The following TTBK1 variants were observed in gnomAD, a reference collection of about 807,000 sequenced individuals.
The protein encoded by TTBK1 is tau tubulin kinase 1.
In TTBK1, 34 loss-of-function variants were observed where a neutral mutation model predicts 108.5. That is an observed-to-expected ratio of 0.31 (90% CI 0.24 to 0.42). The LOEUF (loss-of-function observed/expected upper bound fraction) is 0.42, where lower values mean the gene tolerates loss of function less well. Among genes scored for constraint, TTBK1 ranks in the 10% least tolerant of loss-of-function variants. The pLI is 1.00. For synonymous variants in TTBK1, 809 were observed against 795.1 expected, an observed-to-expected ratio of 1.02 and a Z score of -0.29; for missense variants, 1,539 against 1,826.0, an observed-to-expected ratio of 0.84 and a Z score of 2.86.
At chr6:43,271,852 G>C in intron 13 of TTBK1, 9 of 984,970 alleles carry the variant, frequency 9.1e-6, no homozygotes, top group Non-Finnish European at 1.1e-5. Context: ...CCAGATTTGG[G>C]TTCTAATACT....
At chr6:43,256,021 TCACAGCCAA>T (rs1777372152) in intron 9 of TTBK1, among the ~76,000 whole-genome samples, 165 bp downstream of exon 9, 1 of 152,242 alleles carries the variant, frequency 6.6e-6, no homozygotes, top group Non-Finnish European at 1.5e-5. Flanking sequence ...TGTAAACTAG[TCACAGCCAA>T]GATTTATCAA....
Position 43,244,591 on chromosome 6 carries a change from C to G in TTBK1, c.-55+883C>G, listed in dbSNP as rs1777040159. ...CTCAGCTGAGCATAGTCCTCAGACA[C>G]AGAGAGAAGGAGGGTGGAGAGGGAG... On this transcript the variant is annotated intron_variant, in intron 1 of 14. Coordinates refer to ENST00000259750, the MANE Select transcript of TTBK1 (RefSeq NM_032538.3). Among the ~76,000 whole-genome samples, 3 of 152,212 alleles carry G rather than the reference C, an allele frequency of 2.0e-5. No individual in the cohort carries two copies. In the South Asian group the frequency reaches 6.2e-4, roughly 32 times the overall value.
intron 13 of TTBK1, among the ~76,000 whole-genome samples, chr6:43,266,566 C>T (rs1469658116): frequency 6.6e-6 from 1 of 152,124 alleles, no homozygotes; most frequent in East Asian, 1.9e-4. Flanking sequence ...ACCCAGGCAA[C>T]TCGTTCCGAG....
Position 43,259,549 on chromosome 6 carries a change from G to A in TTBK1, c.1267G>A (p.Glu423Lys), listed in dbSNP as rs1202214675. ...NIGKSPCVEE[E>K]QSRGMGVPSS... is the part of the protein sequence containing the mutation. ...CCTGCAGAGCCCCTGTGTGGAGGAGGAACAGAGCCGAGGCATGGGGGTCCC... is the reference window on the plus strand; with the variant it reads ...CCTGCAGAGCCCCTGTGTGGAGGAGAAACAGAGCCGAGGCATGGGGGTCCC... The change falls in exon 12 of 15, where the codon GAA becomes AAA. Residue 423 changes from glutamate to lysine, a missense_variant. Coordinates refer to ENST00000259750, the MANE Select transcript of TTBK1 (RefSeq NM_032538.3). The surrounding 1 kb of genome is among the most constrained non-coding windows in gnomAD (Gnocchi z 6.7). 2 of 1,593,652 alleles carry A rather than the reference G, an allele frequency of 1.3e-6. No homozygotes were observed. The highest frequency in any genetic ancestry group is 2.2e-5 in the East Asian group (1 of 44,718).
intron 13 of TTBK1, chr6:43,271,892 G>C (rs1777844604): frequency 1.1e-6 from 1 of 944,800 alleles, no homozygotes; most frequent in Middle Eastern, 5.5e-4. Context: ...CATCTCAGCT[G>C]CTCACTTTTG....
At chr6:43,264,471 G>A (rs1777626031) in intron 13 of TTBK1, among the ~76,000 whole-genome samples, 1 of 152,164 alleles carries the variant, frequency 6.6e-6, no homozygotes, top group Non-Finnish European at 1.5e-5. Flanking sequence ...CTCAGGAGAG[G>A]GATCTCGCCT....
At position 43,247,652 on chromosome 6, in the gene TTBK1, G is replaced by A. The variant is rs563295837; in HGVS notation, c.108+884G>A. Among the ~76,000 whole-genome samples, 79 of 152,190 alleles carry A rather than the reference G, an allele frequency of 5.2e-4. No individual in the cohort carries two copies. The South Asian group carries it at 6.0e-3, about 12-fold the overall frequency. On this transcript the variant is annotated intron_variant, in intron 2 of 14. Transcript: ENST00000259750. ...CTCCTGACCTCTGAGTCGTGTGTGT[G>A]TGCGTGTGTGCTTGGCGCGTGTGCG... is the stretch of plus-strand genomic sequence containing the variant.
At chr6:43,246,508 A>G in intron 1 of TTBK1, 99 bp from the exon 2 acceptor site, 2 of 570,956 alleles carry the variant, frequency 3.5e-6, no homozygotes, top group Non-Finnish European at 6.3e-6. Context: ...CAGTGGGGCC[A>G]GGAAGAATGC....
chr6:43,280,534 T>C (rs2150712187), intron 13 of TTBK1, among the ~76,000 whole-genome samples: 1 of 152,300 alleles, frequency 6.6e-6, no homozygotes, highest in South Asian at 2.1e-4. Flanking sequence ...AAGGACCATC[T>C]CTATCTTGTT....
chr6:43,252,653 C>T, intron 2 of TTBK1, 86 bp from the exon 3 acceptor site: 1 of 1,496,614 alleles, frequency 6.7e-7, no homozygotes, highest in Non-Finnish European at 9.0e-7. Context: ...CCTTCCCCAC[C>T]AATGAAGGAT....
intron 13 of TTBK1, among the ~76,000 whole-genome samples, chr6:43,264,165 T>C (rs1027688053): frequency 1.3e-5 from 2 of 152,296 alleles, no homozygotes; most frequent in African/African-American, 4.8e-5. Context: ...GCAGATCACC[T>C]GAGGTCAGGA....
At chr6:43,245,763 G>T (rs967039045) in intron 1 of TTBK1, among the ~76,000 whole-genome samples, 2 of 152,106 alleles carry the variant, frequency 1.3e-5, no homozygotes, top group African/African-American at 2.4e-5. Context: ...ACACAGAAAG[G>T]TGTGGTCAGA....
At position 43,246,877 on chromosome 6, in the gene TTBK1, G is replaced by A. The variant is rs1777104288; in HGVS notation, c.108+109G>A. The stretch of plus-strand genomic sequence containing the variant: ...CGCTCCCCTACCCTAAGAGGGAGGT[G>A]CCTCTAAGCTCATTTGCATACTGCT... On this transcript the variant is annotated intron_variant, in intron 2 of 14. Transcript: ENST00000259750. 2.0e-5 allele frequency: 16 copies of A among 791,138 alleles called. No homozygotes were observed. The South Asian group carries it at 2.4e-4, about 12-fold the overall frequency. The allele number at this position is 791,138 out of a possible 1,614,324, so 49.0% of individuals were successfully genotyped here.
Position 43,253,533 on chromosome 6 carries a change from G to A in TTBK1, c.331-35G>A, listed in dbSNP as rs1777304914. On this transcript the variant is annotated intron_variant, in intron 4 of 14. Coordinates refer to ENST00000259750, the MANE Select transcript of TTBK1 (RefSeq NM_032538.3). The surrounding 1 kb of genome is among the most constrained non-coding windows in gnomAD (Gnocchi z 5.8). ...TGATGGTGTCTGGGATGATGGCTGA[G>A]GGTGAGTCTACCCCCCACCTCCACC... 10 of 1,589,968 alleles carry A rather than the reference G, an allele frequency of 6.3e-6. No homozygotes were observed. The highest frequency in any genetic ancestry group is 8.6e-6 in the Non-Finnish European group (10 of 1,167,794).
chr6:43,283,947 C>G lies in TTBK1; in HGVS notation c.3207C>G (p.Pro1069=), dbSNP rs945386753. ...LLSEEDTGSE[P]SGSLSAKERW... ...CTGAGGAGGACACGGGCTCGGAGCC[C>G]TCAGGCTCACTGTCGGCCAAAGAGC... Residue 1069 remains proline, a synonymous_variant, in exon 14 of 15, where the codon CCC becomes CCG. Coordinates refer to ENST00000259750, the MANE Select transcript of TTBK1 (RefSeq NM_032538.3). This position sits in a 1 kb window ranked among gnomAD's most constrained non-coding sequence, Gnocchi z 8.1. 2 of 1,612,716 alleles carry G rather than the reference C, an allele frequency of 1.2e-6. No homozygotes were observed. The highest frequency in any genetic ancestry group is 1.7e-5 in the Admixed American group (1 of 60,010).
chr6:43,253,803 G>A lies in TTBK1; in HGVS notation c.471+95G>A. 6.9e-7 allele frequency: 1 copy of A among 1,456,316 alleles called. No homozygotes were observed. The highest frequency in any genetic ancestry group is 9.2e-7 in the Non-Finnish European group (1 of 1,092,840). 90.2% of individuals were successfully genotyped at this position (1,456,316 alleles called of 1,614,324 possible). On this transcript the variant is annotated intron_variant, in intron 5 of 14. Transcript: ENST00000259750. The surrounding 1 kb of genome is among the most constrained non-coding windows in gnomAD (Gnocchi z 5.8). ...TCCTGGTTTCTCCTCTGCAACCATG[G>A]TTGGGACTTGTGATGGGACAGCCTC...
intron 13 of TTBK1, chr6:43,271,401 G>A (rs1178066490): frequency 1.0e-5 from 10 of 985,264 alleles, no homozygotes; most frequent in South Asian, 4.7e-5. Context: ...TGACTGGCAC[G>A]TGCGCAAGTT....
chr6:43,286,712 G>C lies in TTBK1; in HGVS notation c.*1336G>C, dbSNP rs1210803764. 1 of 152,666 alleles carries C rather than the reference G, an allele frequency of 6.6e-6. No individual in the cohort carries two copies. Among genetic ancestry groups the C allele is most frequent in the Non-Finnish European group, 1.5e-5 (1 of 68,314 alleles). 9.5% of individuals were successfully genotyped at this position (152,666 alleles called of 1,614,324 possible). On this transcript the variant is annotated 3_prime_UTR_variant, in exon 15 of 15. Coordinates refer to ENST00000259750, the MANE Select transcript of TTBK1 (RefSeq NM_032538.3). The surrounding 1 kb of genome is among the most constrained non-coding windows in gnomAD (Gnocchi z 4.6). ...CGTGCAGCTGCTCTACTCCAGGAAT[G>C]GATGTGGGGACTCTTCCTGGGTTCT...
intron 13 of TTBK1, chr6:43,271,278 A>T: frequency 2.0e-6 from 2 of 985,508 alleles, no homozygotes; most frequent in Non-Finnish European, 2.4e-6. Flanking sequence ...ACACTTGTGC[A>T]TAAGAGTGTG....
Sources: gnomAD v4.1 joint callset for allele counts (sites outside exome capture counted in the v4.1 genomes callset) on GRCh38, gnomAD v4.1.1 for gene constraint, Gnocchi (gnomAD v3.1) non-coding constraint, MANE v1.5 for transcripts, NCBI Gene and HGNC (gene_info 2026-07-23, HGNC 2026-07-21) for gene names.